RAB3IP: variants seen among roughly 807,000 people sequenced by gnomAD.
The protein encoded by RAB3IP is rab-3A-interacting protein.
RAB3IP carries 36 observed loss-of-function variants against 59.1 expected under a neutral mutation model. The ratio of observed to expected loss-of-function variants is 0.61; its 90% CI spans 0.47 to 0.80. RAB3IP has a LOEUF of 0.80. RAB3IP is among the 30% of genes least tolerant of loss of function. RAB3IP has a pLI of 0.00. For synonymous variants in RAB3IP, 207 were observed against 191.2 expected, an observed-to-expected ratio of 1.08 and a Z score of -0.68; for missense variants, 511 against 536.0, an observed-to-expected ratio of 0.95 and a Z score of 0.46.
chr12:69,779,750 A>G (rs1411954389), intron 3 of RAB3IP, among the ~76,000 whole-genome samples: 1 of 143,304 alleles, frequency 7.0e-6, no homozygotes, highest in Non-Finnish European at 1.5e-5. Context: ...GTTTATCTGT[A>G]TTTTCTTGAA....
At chr12:69,767,087 C>T (rs1236575433) in intron 3 of RAB3IP, among the ~76,000 whole-genome samples, 5 of 152,250 alleles carry the variant, frequency 3.3e-5, no homozygotes, top group Non-Finnish European at 7.3e-5. Flanking sequence ...GGTTTCTCCT[C>T]ATCTGGAGAT....
chr12:69,802,115 G>T (rs112912440), intron 8 of RAB3IP, among the ~76,000 whole-genome samples: 205 of 151,300 alleles, frequency 1.4e-3, no homozygotes, highest in African/African-American at 4.7e-3. Context: ...TTAGTGGATT[G>T]TGAAATCAGT....
At chr12:69,789,776 C>T (rs1248656827) in intron 4 of RAB3IP, among the ~76,000 whole-genome samples, 1 of 151,968 alleles carries the variant, frequency 6.6e-6, no homozygotes, top group Non-Finnish European at 1.5e-5. Flanking sequence ...AAGGATGCAT[C>T]AACATAGGCA....
intron 8 of RAB3IP, among the ~76,000 whole-genome samples, chr12:69,802,284 C>G (rs991799490): frequency 1.3e-5 from 2 of 151,878 alleles, no homozygotes; most frequent in African/African-American, 2.4e-5. Context: ...AAACTGTGTA[C>G]CAAAAAGACT....
intron 3 of RAB3IP, among the ~76,000 whole-genome samples, chr12:69,771,151 T>C (rs1212325103): frequency 5.9e-5 from 9 of 152,366 alleles, no homozygotes; most frequent in Non-Finnish European, 1.2e-4. Flanking sequence ...CATGATGTCC[T>C]CTAGGCTTAC....
intron 8 of RAB3IP, among the ~76,000 whole-genome samples, chr12:69,807,885 C>T (rs1273984581): frequency 6.5e-4 from 94 of 145,704 alleles, no homozygotes; most frequent in South Asian, 1.3e-3. Flanking sequence ...CGGGCGGAGA[C>T]GCTCCTCACC....
intron 1 of RAB3IP, among the ~76,000 whole-genome samples, chr12:69,743,602 A>G (rs1887554642): frequency 6.6e-6 from 1 of 152,226 alleles, no homozygotes; most frequent in South Asian, 2.1e-4. Flanking sequence ...CTACCATTAT[A>G]GATGTCAAAA....
rs1023332108 is a variant in RAB3IP at position 69,822,402 on chromosome 12, C to T, written c.*6956C>T. On this transcript the variant is annotated 3_prime_UTR_variant, in exon 11 of 11. Coordinates refer to ENST00000247833, the MANE Select transcript of RAB3IP (RefSeq NM_022456.5). Reference sequence around the variant, plus strand: ...TGAGTTAAATGGGATTGTATCATGCCCCACACCCAAGCAGATAGAAACTGT... The same window carrying T: ...TGAGTTAAATGGGATTGTATCATGCTCCACACCCAAGCAGATAGAAACTGT... 9 of 151,748 alleles carry T rather than the reference C, an allele frequency of 5.9e-5. No individual in the cohort carries two copies. Among genetic ancestry groups the T allele is most frequent in the African/African-American group, 2.2e-4 (9 of 41,258 alleles). 9.4% of individuals were successfully genotyped at this position (151,748 alleles called of 1,614,324 possible).
intron 5 of RAB3IP, 82 bp downstream of exon 5, chr12:69,794,596 TTC>T: frequency 8.8e-7 from 1 of 1,130,526 alleles, no homozygotes; most frequent in Non-Finnish European, 1.3e-6. Context: ...TTGGATTTTG[TTC>T]TGATCGTAAA....
At chr12:69,746,127 C>G (rs1240658293) in intron 1 of RAB3IP, among the ~76,000 whole-genome samples, 1 of 152,182 alleles carries the variant, frequency 6.6e-6, no homozygotes, top group Non-Finnish European at 1.5e-5. Flanking sequence ...GGCATTAGAT[C>G]AGACAGTAAT....
chr12:69,795,184 T>C lies in RAB3IP; in HGVS notation c.728T>C (p.Val243Ala). ...GAAGTAGCTGCATTGAAGACACTTG[T>C]ATTGTCCAGTTCTCCAACATCACCT... Reference protein sequence around the residue: ...QAEVAALKTLVLSSSPTSPTQ... With the variant: ...QAEVAALKTLALSSSPTSPTQ... The change falls in exon 6 of 11, where the codon GTA (valine) becomes GCA (alanine). Residue 243 changes from valine to alanine, a missense_variant. Val to Ala is a moderately conservative substitution (Grantham distance 64). Transcript: ENST00000247833. The C allele has an allele frequency of 6.2e-7, 1 of 1,614,096 alleles. No homozygotes were observed.
chr12:69,799,198 A>G (rs555961077), intron 6 of RAB3IP, among the ~76,000 whole-genome samples: 10 of 152,302 alleles, frequency 6.6e-5, no homozygotes, highest in African/African-American at 9.6e-5. Context: ...ACTCAGCTCT[A>G]TGTTACATTT....
intron 8 of RAB3IP, among the ~76,000 whole-genome samples, chr12:69,809,587 C>G (rs1565931047): frequency 6.6e-6 from 1 of 152,170 alleles, no homozygotes; most frequent in African/African-American, 2.4e-5. Context: ...TTCTTGCAGG[C>G]TTTGTTCATT....
chr12:69,767,902 C>T (rs1163066978), intron 3 of RAB3IP, among the ~76,000 whole-genome samples: 1 of 151,732 alleles, frequency 6.6e-6, no homozygotes, highest in Non-Finnish European at 1.5e-5. Flanking sequence ...TGGAGAAGAC[C>T]CCCTTTCACC....
intron 1 of RAB3IP, among the ~76,000 whole-genome samples, chr12:69,753,313 C>G (rs1869636455): frequency 6.6e-6 from 1 of 152,244 alleles, no homozygotes; most frequent in South Asian, 2.1e-4. Flanking sequence ...ATGACTACTT[C>G]TGTATCTTAT....
intron 8 of RAB3IP, chr12:69,812,038 C>T (rs1314937526): frequency 1.3e-5 from 2 of 152,174 alleles, no homozygotes; most frequent in Non-Finnish European, 2.9e-5. Context: ...CTAGCTTTAT[C>T]TCATGGAGCC....
rs930882132 is a variant in RAB3IP, at chr12:69,756,762, T to A, written c.510+99T>A. The A allele has an allele frequency of 1.2e-5, 12 of 986,674 alleles. No individual in the cohort carries two copies. In the African/African-American group the frequency reaches 1.5e-4, roughly 12 times the overall value. The allele number at this position is 986,674 out of a possible 1,614,324, so 61.1% of individuals were successfully genotyped here. A position where few individuals can be genotyped will look rare whatever the true frequency, so the allele number is the denominator to read the frequency against. On this transcript the variant is annotated intron_variant, in intron 3 of 10. Coordinates refer to ENST00000247833, the MANE Select transcript of RAB3IP (RefSeq NM_022456.5). ...TGCAGAAATGAAATCATGATGGTTG[T>A]ACATTTATCCGTCACATATGCCCAG...
At chr12:69,747,327 TGTGTGA>T (rs57357127) in intron 1 of RAB3IP, among the ~76,000 whole-genome samples, 1,379 of 98,876 alleles carry the variant, frequency 0.014, 12 homozygotes, top group Middle Eastern at 0.071. Flanking sequence ...TGTGTGTGTG[TGTGTGA>T]GAGAGAGAGA....
chr12:69,738,597 ACGAAACAGAGC>A (rs1886896096), upstream of RAB3IP: 1 of 81,290 alleles, frequency 1.2e-5, no homozygotes, highest in South Asian at 4.3e-4. Flanking sequence ...CGCGGGCCCG[ACGAAACAGAGC>A]GCGGGCCCGA....
Sources: allele counts gnomAD v4.1 joint callset (sites outside exome capture counted in the v4.1 genomes callset), GRCh38; gene constraint gnomAD v4.1.1; transcripts MANE v1.5; gene names NCBI Gene and HGNC (gene_info 2026-07-23, HGNC 2026-07-21).